ANKFY1: variants seen among roughly 807,000 people sequenced by gnomAD.
ANKFY1 encodes the protein ankyrin repeat and FYVE domain containing 1.
ANKFY1 carries 47 observed loss-of-function variants against 128.3 expected under a neutral mutation model. The ratio of observed to expected loss-of-function variants is 0.37; its 90% CI spans 0.29 to 0.47. The LOEUF (loss-of-function observed/expected upper bound fraction) is 0.47, where lower values mean the gene tolerates loss of function less well. Among genes scored for constraint, ANKFY1 ranks in the 20% least tolerant of loss-of-function variants. ANKFY1 has a pLI of 1.00. For missense variants in ANKFY1, 1,222 were observed against 1,510.6 expected (o/e 0.81, Z 3.17); for synonymous variants, 553 against 601.6 (o/e 0.92, Z 1.18).
At chr17:4,204,939 C>A (rs1425743223) in intron 7 of ANKFY1, among the ~76,000 whole-genome samples, 2 of 152,152 alleles carry the variant, frequency 1.3e-5, no homozygotes, top group African/African-American at 4.8e-5. Flanking sequence ...TTCCTCTCTA[C>A]CAGCCAGCAA....
At chr17:4,258,297 G>A (rs1325006918) in intron 1 of ANKFY1, among the ~76,000 whole-genome samples, 5 of 152,090 alleles carry the variant, frequency 3.3e-5, no homozygotes, top group African/African-American at 9.7e-5. Context: ...AGGCCGAGGC[G>A]GGCGGATCAC....
intron 4 of ANKFY1, among the ~76,000 whole-genome samples, chr17:4,212,246 C>T (rs1197109950): frequency 6.6e-6 from 1 of 152,200 alleles, no homozygotes; most frequent in Non-Finnish European, 1.5e-5. Context: ...CCAGCAGCCT[C>T]CACCAAAACT....
chr17:4,178,831 GAGA>G lies in ANKFY1; in HGVS notation c.2598+23_2598+25del, dbSNP rs1295914096. ...GTTCCGCGACGCCCAGGACCATGTGGAGAAGGTCAGGTGTTATTCACTCACCTG... is the reference window on the plus strand; with the variant it reads ...GTTCCGCGACGCCCAGGACCATGTGGAGGTCAGGTGTTATTCACTCACCTG... On this transcript the variant is annotated intron_variant, in intron 18 of 24. Coordinates refer to ENST00000341657, the MANE Select transcript of ANKFY1 (RefSeq NM_001330063.2). The surrounding 1 kb of genome is among the most constrained non-coding windows in gnomAD (Gnocchi z 4.1). 3.1e-6 allele frequency: 5 copies of G among 1,609,078 alleles called. No homozygotes were observed. Among genetic ancestry groups the G allele is most frequent in the East Asian group, 2.2e-5 (1 of 44,808 alleles).
intron 1 of ANKFY1, among the ~76,000 whole-genome samples, chr17:4,250,871 G>A (rs543416824): frequency 1.3e-5 from 2 of 152,222 alleles, no homozygotes; most frequent in East Asian, 3.9e-4. Flanking sequence ...CTGGCCTCAA[G>A]GGATCCTCCC....
intron 3 of ANKFY1, among the ~76,000 whole-genome samples, chr17:4,226,730 G>A (rs1469310894): frequency 8.4e-5 from 12 of 142,884 alleles, no homozygotes; most frequent in Non-Finnish European, 1.2e-4. Context: ...GCGACACAAC[G>A]AGACTCCATC....
At chr17:4,168,147 TTTTG>T in intron 24 of ANKFY1, 1 of 414,998 alleles carries the variant, frequency 2.4e-6, no homozygotes, top group South Asian at 4.1e-5. Flanking sequence ...TTTTTTTTTT[TTTTG>T]GAAGATCAAG....
At chr17:4,194,678 GCT>G in intron 10 of ANKFY1, 1 of 392,734 alleles carries the variant, frequency 2.5e-6, no homozygotes, top group Non-Finnish European at 4.7e-6. Flanking sequence ...CTAAAGAAAA[GCT>G]CTCTGGGGTA....
chr17:4,214,903 G>A (rs1436621881), intron 4 of ANKFY1, among the ~76,000 whole-genome samples: 1 of 152,116 alleles, frequency 6.6e-6, no homozygotes, highest in African/African-American at 2.4e-5. Context: ...ATATCATTCT[G>A]TATCCTCCAA....
Position 4,173,250 on chromosome 17 carries a change from C to A in ANKFY1, c.3014+104G>T, listed in dbSNP as rs138139817. 1.2e-5 allele frequency: 13 copies of A among 1,059,524 alleles called. No homozygotes were observed. In the African/African-American group the frequency reaches 1.9e-4, roughly 15 times the overall value. 65.6% of individuals were successfully genotyped at this position (1,059,524 alleles called of 1,614,324 possible). A position where few individuals can be genotyped will look rare whatever the true frequency, so the allele number is the denominator to read the frequency against. On this transcript the variant is annotated intron_variant, in intron 21 of 24. Coordinates refer to ENST00000341657, the MANE Select transcript of ANKFY1 (RefSeq NM_001330063.2). Reference sequence around the variant, plus strand: ...GAAGCTGGTGAGGTGCCCCAGCGGCCGGTTTTGCAGCTCCTCCCTGGGGCT... The same window carrying A: ...GAAGCTGGTGAGGTGCCCCAGCGGCAGGTTTTGCAGCTCCTCCCTGGGGCT...
intron 1 of ANKFY1, among the ~76,000 whole-genome samples, chr17:4,245,963 G>C (rs1352317757): frequency 1.3e-5 from 2 of 152,060 alleles, no homozygotes; most frequent in Non-Finnish European, 2.9e-5. Context: ...AGAATCGCTG[G>C]AACCCAGGAG....
intron 3 of ANKFY1, among the ~76,000 whole-genome samples, chr17:4,233,793 G>A (rs1008159916): frequency 2.6e-5 from 4 of 152,178 alleles, no homozygotes; most frequent in Admixed American, 6.5e-5. Flanking sequence ...AGCAGAGTAC[G>A]GGCTCCGTAT....
Position 4,167,907 on chromosome 17 carries a change from G to A in ANKFY1, c.3382C>T (p.His1128Tyr). 1.2e-6 allele frequency: 2 copies of A among 1,612,434 alleles called. No homozygotes were observed. The highest frequency in any genetic ancestry group is 8.5e-7 in the Non-Finnish European group (1 of 1,179,116). ...TTATGGCAAAGAAGACGTCCGCAGT[G>A]ACGACTGTGGAAGCAAAGAAAGGAA... The part of the protein sequence containing the change: ...GVTTRKHHCR[H>Y]CGRLLCHKCS... Residue 1128 changes from histidine (H) to tyrosine (Y), a missense_variant, in exon 25 of 25, where the codon CAC (histidine) becomes TAC (tyrosine). Transcript: ENST00000341657. The surrounding 1 kb of genome is among the most constrained non-coding windows in gnomAD (Gnocchi z 4.1).
chr17:4,164,257 A>G lies in ANKFY1; in HGVS notation c.*3522T>C, dbSNP rs1266735720. The G allele has an allele frequency of 6.5e-6, 1 of 152,716 alleles. No individual in the cohort carries two copies. Among genetic ancestry groups the G allele is most frequent in the Non-Finnish European group, 1.5e-5 (1 of 68,060 alleles). The allele number at this position is 152,716 out of a possible 1,614,324, so 9.5% of individuals were successfully genotyped here. ...CAGAAAACCAATGTTGTCAGTTGTA[A>G]CAGGTTAATATATTATTTATGCCAC... On this transcript the variant is annotated 3_prime_UTR_variant, in exon 25 of 25. Coordinates refer to ENST00000341657, the MANE Select transcript of ANKFY1 (RefSeq NM_001330063.2).
At position 4,183,437 on chromosome 17, in the gene ANKFY1, G is replaced by A; in HGVS notation, c.1913C>T (p.Ala638Val). 6.2e-7 allele frequency: 1 copy of A among 1,613,932 alleles called. No individual in the cohort carries two copies. Among genetic ancestry groups the A allele is most frequent in the Non-Finnish European group, 8.5e-7 (1 of 1,180,040 alleles). ...TGCCTGGTGCTCCAGCAGGAAGAGT[G>A]CGCTCTTGCTGTCCTGCCGCTGTAT... ...MAIQRQDSKSALFLLEHQADI... is the reference protein window; with the variant it reads ...MAIQRQDSKSVLFLLEHQADI... Residue 638 changes from alanine to valine, a missense_variant, in exon 14 of 25, where the codon GCA becomes GTA. Coordinates refer to ENST00000341657, the MANE Select transcript of ANKFY1 (RefSeq NM_001330063.2).
intron 1 of ANKFY1, among the ~76,000 whole-genome samples, chr17:4,258,523 CA>C (rs547310575): frequency 0.02 from 1,786 of 90,074 alleles, 24 homozygotes; most frequent in African/African-American, 0.049. Flanking sequence ...GACTCCAACT[CA>C]AAAAAAAAAA....
In ANKFY1 at chr17:4,174,023, T is replaced by G; in HGVS notation, c.2809A>C (p.Lys937Gln). 2 of 1,614,160 alleles carry G rather than the reference T, an allele frequency of 1.2e-6. No homozygotes were observed. Among genetic ancestry groups the G allele is most frequent in the Non-Finnish European group, 1.7e-6 (2 of 1,180,004 alleles). ...AGATGGAGGGCAGTCTGGCGATGCT[T>G]GGTTAATTCGTTCACTTTGGCTCCC... ...LAGAKVNELT[K>Q]HRQTALHLAA... Residue 937 changes from lysine (K) to glutamine (Q), a missense_variant, in exon 20 of 25, where the codon AAG becomes CAG. Transcript: ENST00000341657.
chr17:4,242,109 T>C (rs1385423413), intron 2 of ANKFY1, 147 bp downstream of exon 2: 7 of 750,254 alleles, frequency 9.3e-6, no homozygotes, highest in Non-Finnish European at 1.3e-5. Flanking sequence ...AAAAAAATCT[T>C]GCCTCAAGGA....
At chr17:4,210,841 T>C (rs2060116382) in intron 4 of ANKFY1, among the ~76,000 whole-genome samples, 1 of 148,880 alleles carries the variant, frequency 6.7e-6, no homozygotes, top group Non-Finnish European at 1.5e-5. Flanking sequence ...AGACCAGCCT[T>C]ACCAACAAGG....
At chr17:4,216,089 A>C (rs1010545000) in intron 4 of ANKFY1, among the ~76,000 whole-genome samples, 52 of 152,248 alleles carry the variant, frequency 3.4e-4, no homozygotes, top group African/African-American at 1.3e-3. Flanking sequence ...AATAACAGAC[A>C]GGAGTAAGCC....
Sources: gnomAD v4.1 joint callset for allele counts (sites outside exome capture counted in the v4.1 genomes callset) on GRCh38, gnomAD v4.1.1 for gene constraint, Gnocchi (gnomAD v3.1) non-coding constraint, MANE v1.5 for transcripts, NCBI Gene and HGNC (gene_info 2026-07-23, HGNC 2026-07-21) for gene names.